Variants in RASAL2 observed in about 807,000 individuals in gnomAD.
RASAL2 encodes RAS protein activator like 2, also known as ras GTPase-activating protein nGAP.
In RASAL2, 58 loss-of-function variants were observed where a neutral mutation model predicts 128.9. That is an observed-to-expected ratio of 0.45 (90% CI 0.36 to 0.56). The LOEUF is 0.56. Ranked by LOEUF, RASAL2 falls within the 20% of genes least tolerant of loss-of-function variation. The probability of loss-of-function intolerance (pLI) is 0.00; values close to 1 mark genes in which losing one functional copy is unlikely to be tolerated. For missense variants in RASAL2, 1,360 were observed against 1,601.6 expected (o/e 0.85, Z 2.57); for synonymous variants, 561 against 580.8 (o/e 0.97, Z 0.49).
intron 1 of RASAL2, among the ~76,000 whole-genome samples, chr1:178,180,881 G>A (rs963195328): frequency 1.3e-5 from 2 of 151,442 alleles, no homozygotes; most frequent in African/African-American, 4.9e-5. Context: ...TGAAGCTGGG[G>A]AGAAGAAACC....
chr1:178,191,816 T>C (rs1047226295), intron 1 of RASAL2, among the ~76,000 whole-genome samples: 2 of 152,156 alleles, frequency 1.3e-5, no homozygotes, highest in Admixed American at 6.5e-5. Context: ...AGACAATAAG[T>C]AAATGTTTAT....
chr1:178,267,297 T>C (rs1666004731), intron 1 of RASAL2, among the ~76,000 whole-genome samples: 1 of 152,128 alleles, frequency 6.6e-6, no homozygotes, highest in Non-Finnish European at 1.5e-5. Context: ...TATTCATCCA[T>C]TTTAGACCTT....
intron 3 of RASAL2, among the ~76,000 whole-genome samples, chr1:178,352,045 A>G (rs1292879186): frequency 6.6e-6 from 1 of 152,236 alleles, no homozygotes; most frequent in African/African-American, 2.4e-5. Flanking sequence ...AGAATTGTCT[A>G]TTTCAGAAAA....
chr1:178,209,822 C>A (rs559605520), intron 1 of RASAL2, among the ~76,000 whole-genome samples: 102 of 151,906 alleles, frequency 6.7e-4, no homozygotes, highest in African/African-American at 2.3e-3. Context: ...TTTTGCTTTT[C>A]TAATTTCTGC....
rs747532791 is a variant in RASAL2 at position 178,110,854 on chromosome 1, G to A, written c.202+16160G>A. Among the ~76,000 whole-genome samples, 52 of 151,490 alleles carry A rather than the reference G, an allele frequency of 3.4e-4. No homozygotes were observed. The Middle Eastern group carries it at 9.6e-3, about 28-fold the overall frequency. ...CCGTCTGCCTCAGCCTCCCAAATTT[G>A]GGATTTGCTGGGATTACAGGATTGA... On this transcript the variant is annotated intron_variant, in intron 1 of 17. Transcript: ENST00000367649.
chr1:178,116,826 G>T (rs1659536203), intron 1 of RASAL2, among the ~76,000 whole-genome samples: 1 of 152,084 alleles, frequency 6.6e-6, no homozygotes, highest in South Asian at 2.1e-4. Context: ...TAGCCAGGAT[G>T]ACCTTGATCT....
chr1:178,160,116 T>C (rs1011012888), intron 1 of RASAL2, among the ~76,000 whole-genome samples: 4 of 151,978 alleles, frequency 2.6e-5, no homozygotes, highest in African/African-American at 7.3e-5. Context: ...TTGTTGCATA[T>C]GTATACATGT....
At chr1:178,176,461 G>C (rs540946022) in intron 1 of RASAL2, among the ~76,000 whole-genome samples, 1 of 150,756 alleles carries the variant, frequency 6.6e-6, no homozygotes, top group East Asian at 1.9e-4. Flanking sequence ...TTAGTTGTTT[G>C]TCAGATGCAT....
At chr1:178,144,612 T>C (rs565453516) in intron 1 of RASAL2, among the ~76,000 whole-genome samples, 1 of 152,292 alleles carries the variant, frequency 6.6e-6, no homozygotes, top group Non-Finnish European at 1.5e-5. Flanking sequence ...TATTTAAGTA[T>C]TTTTGACATC....
chr1:178,147,129 A>G (rs1276412970), intron 1 of RASAL2, among the ~76,000 whole-genome samples: 1 of 152,058 alleles, frequency 6.6e-6, no homozygotes, highest in Non-Finnish European at 1.5e-5. Flanking sequence ...TTTATTTTGA[A>G]CTTTTATATT....
intron 4 of RASAL2, among the ~76,000 whole-genome samples, chr1:178,400,105 C>T (rs1203042936): frequency 6.6e-6 from 1 of 152,164 alleles, no homozygotes; most frequent in African/African-American, 2.4e-5. Context: ...CTGTCAGTCG[C>T]CCGCTGAAGG....
intron 3 of RASAL2, among the ~76,000 whole-genome samples, chr1:178,386,374 C>A (rs180901615): frequency 5.3e-5 from 8 of 152,220 alleles, no homozygotes; most frequent in Admixed American, 2.0e-4. Context: ...TATTAAATGG[C>A]GAAGACCAGG....
At chr1:178,463,178 G>GT (rs1253161334) in intron 14 of RASAL2, among the ~76,000 whole-genome samples, 5 of 152,070 alleles carry the variant, frequency 3.3e-5, no homozygotes, top group South Asian at 2.1e-4. Flanking sequence ...TGGAATTCTG[G>GT]TCCTTAAAAT....
At chr1:178,390,460 C>T (rs1384764510) in intron 4 of RASAL2, among the ~76,000 whole-genome samples, 3 of 152,202 alleles carry the variant, frequency 2.0e-5, no homozygotes, top group Admixed American at 6.5e-5. Flanking sequence ...CTCACTGCAA[C>T]CTCCCCCTCC....
intron 3 of RASAL2, among the ~76,000 whole-genome samples, chr1:178,385,280 C>A (rs1419384520): frequency 2.6e-5 from 4 of 151,888 alleles, no homozygotes; most frequent in Non-Finnish European, 4.4e-5. Flanking sequence ...TGGTGAAATA[C>A]CCTTTCTAGA....
chr1:178,228,535 G>T (rs935636418), intron 1 of RASAL2, among the ~76,000 whole-genome samples: 1 of 152,132 alleles, frequency 6.6e-6, no homozygotes, highest in Non-Finnish European at 1.5e-5. Flanking sequence ...TGAGCCAAGC[G>T]TGCCACTGCA....
intron 1 of RASAL2, among the ~76,000 whole-genome samples, chr1:178,166,499 G>A (rs376768060): frequency 2.6e-5 from 4 of 152,106 alleles, no homozygotes; most frequent in Non-Finnish European, 5.9e-5. Flanking sequence ...ATAAACTTAT[G>A]TGAGTAAATG....
At chr1:178,439,352 C>A in intron 5 of RASAL2, 70 bp from the exon 6 acceptor site, 1 of 1,349,272 alleles carries the variant, frequency 7.4e-7, no homozygotes, top group Non-Finnish European at 1.0e-6. Context: ...TTGTTATCCT[C>A]CATTGCATTA....
intron 1 of RASAL2, among the ~76,000 whole-genome samples, chr1:178,160,705 A>G (rs750427545): frequency 9.2e-5 from 14 of 152,194 alleles, no homozygotes; most frequent in Non-Finnish European, 2.1e-4. Flanking sequence ...ATCCTATCTA[A>G]TGAAGAAAAG....
Sources: allele counts gnomAD v4.1 joint callset (sites outside exome capture counted in the v4.1 genomes callset), GRCh38; gene constraint gnomAD v4.1.1; transcripts MANE v1.5; gene names NCBI Gene and HGNC (gene_info 2026-07-23, HGNC 2026-07-21).